Variants in ZCCHC2 observed in about 807,000 individuals in gnomAD.
ZCCHC2 encodes the protein zinc finger CCHC domain-containing protein 2.
In ZCCHC2, 39 loss-of-function variants were observed where a neutral mutation model predicts 103.6. The ratio of observed to expected loss-of-function variants is 0.38; its 90% CI spans 0.29 to 0.49. ZCCHC2 has a LOEUF of 0.49. Ranked by LOEUF, ZCCHC2 falls within the 20% of genes least tolerant of loss-of-function variation. ZCCHC2 has a pLI of 0.96. For synonymous variants in ZCCHC2, 687 were observed against 608.9 expected, an observed-to-expected ratio of 1.13 and a Z score of -1.89; for missense variants, 1,483 against 1,491.0, an observed-to-expected ratio of 0.99 and a Z score of 0.09.
rs1914188270 is a variant in ZCCHC2 at position 62,523,771 on chromosome 18, G to C, written c.347G>C (p.Cys116Ser). The C allele has an allele frequency of 2.6e-6, 4 of 1,536,466 alleles. No individual in the cohort carries two copies. The highest frequency in any genetic ancestry group is 3.5e-6 in the Non-Finnish European group (4 of 1,145,630). Residue 116 changes from cysteine to serine, a missense_variant, in exon 1 of 14, where the codon TGC becomes TCC. Transcript: ENST00000269499. Reference sequence around the variant, plus strand: ...TCGGCGCAGCGCCTGGAGTTCATGTGCGGGCTGCTGGACCTGTGCAACCCG... The same window carrying C: ...TCGGCGCAGCGCCTGGAGTTCATGTCCGGGCTGCTGGACCTGTGCAACCCG... The part of the protein sequence containing the change: ...LGSAQRLEFM[C>S]GLLDLCNPLE...
intron 12 of ZCCHC2, among the ~76,000 whole-genome samples, chr18:62,571,348 A>G (rs914105061): frequency 2.0e-5 from 3 of 152,206 alleles, no homozygotes; most frequent in Admixed American, 1.3e-4. Flanking sequence ...GGTACAAGTC[A>G]TTTACAGGGC....
intron 5 of ZCCHC2, among the ~76,000 whole-genome samples, chr18:62,553,156 ATGTGTGTGTGTGTGTGTGTGTGTGTG>A (rs142422088): frequency 1.4e-5 from 2 of 139,742 alleles, no homozygotes; most frequent in Admixed American, 7.1e-5. Flanking sequence ...CCTTAGATTT[ATGTGTGTGTGTGTGTGTGTGTGTGTG>A]TGTGTGTGTG....
chr18:62,530,961 A>G (rs768281143), intron 1 of ZCCHC2, among the ~76,000 whole-genome samples: 6 of 152,234 alleles, frequency 3.9e-5, no homozygotes, highest in Non-Finnish European at 5.9e-5. Context: ...ACTAGAATCC[A>G]TGGATAATTA....
chr18:62,541,177 G>C (rs1169920065), intron 2 of ZCCHC2, among the ~76,000 whole-genome samples: 1 of 152,174 alleles, frequency 6.6e-6, no homozygotes, highest in African/African-American at 2.4e-5. Context: ...CTATTGCACA[G>C]TTCTAAGGAG....
At chr18:62,563,356 G>A (rs749105253) in intron 9 of ZCCHC2, among the ~76,000 whole-genome samples, 2 of 152,146 alleles carry the variant, frequency 1.3e-5, no homozygotes, top group African/African-American at 2.4e-5. Flanking sequence ...TGTAAGATTA[G>A]TACACTTTAA....
At chr18:62,573,953 C>A in intron 12 of ZCCHC2, 104 bp from the exon 13 acceptor site, 1 of 1,230,102 alleles carries the variant, frequency 8.1e-7, no homozygotes, top group Non-Finnish European at 1.1e-6. Flanking sequence ...TAGAGGGACA[C>A]TTTCCAAACT....
intron 1 of ZCCHC2, among the ~76,000 whole-genome samples, chr18:62,532,092 C>G (rs1598929590): frequency 3.3e-5 from 5 of 152,208 alleles, no homozygotes; most frequent in Admixed American, 3.3e-4. Context: ...TCAGTAGGTT[C>G]CAGTGGGAGC....
chr18:62,537,077 A>G (rs115645239), intron 1 of ZCCHC2, among the ~76,000 whole-genome samples: 1,750 of 152,260 alleles, frequency 0.011, 40 homozygotes, highest in African/African-American at 0.04. Flanking sequence ...GTCATGAGTC[A>G]TCACCTCTGT....
At chr18:62,537,203 G>T (rs771371722) in intron 1 of ZCCHC2, among the ~76,000 whole-genome samples, 2 of 152,076 alleles carry the variant, frequency 1.3e-5, no homozygotes, top group South Asian at 4.1e-4. Context: ...TTTAGAGACA[G>T]GGTCTTGCCC....
chr18:62,556,120 C>A (rs2145513548), intron 5 of ZCCHC2, 83 bp from the exon 6 acceptor site: 1 of 1,082,754 alleles, frequency 9.2e-7, no homozygotes, highest in Non-Finnish European at 1.3e-6. Context: ...ACTGCCACTT[C>A]ATTCTGCTTT....
chr18:62,532,572 TC>T (rs989909512), intron 1 of ZCCHC2, among the ~76,000 whole-genome samples: 3 of 152,156 alleles, frequency 2.0e-5, no homozygotes, highest in Admixed American at 1.3e-4. Flanking sequence ...TTTTCATATA[TC>T]CCCCCTTTCA....
intron 9 of ZCCHC2, 134 bp from the exon 10 acceptor site, chr18:62,564,435 CTT>C (rs954866665): frequency 1.3e-5 from 8 of 596,782 alleles, no homozygotes; most frequent in Non-Finnish European, 1.9e-5. Flanking sequence ...AGGTGGGAAA[CTT>C]CAAAAATAGG....
At chr18:62,525,736 G>A (rs975111316) in intron 1 of ZCCHC2, among the ~76,000 whole-genome samples, 36 of 152,190 alleles carry the variant, frequency 2.4e-4, no homozygotes, top group Admixed American at 3.9e-4. Context: ...CTAGTGCCCA[G>A]CATTATCTCG....
chr18:62,573,969 T>G (rs572528166), intron 12 of ZCCHC2, 88 bp from the exon 13 acceptor site: 1 of 1,328,410 alleles, frequency 7.5e-7, no homozygotes, highest in Admixed American at 2.7e-5. Context: ...AAACTTGAGT[T>G]ACTTTGAGGT....
chr18:62,555,902 T>C (rs1915865189), intron 5 of ZCCHC2, among the ~76,000 whole-genome samples: 1 of 152,134 alleles, frequency 6.6e-6, no homozygotes, highest in African/African-American at 2.4e-5. Flanking sequence ...AGGGTGGCTA[T>C]TGGACCACTT....
rs1340204696 is a variant in ZCCHC2 at position 62,524,382 on chromosome 18, C to T, written c.939+19C>T. 6.8e-7 allele frequency: 1 copy of T among 1,460,100 alleles called. No homozygotes were observed. The highest frequency in any genetic ancestry group is 2.6e-5 in the Admixed American group (1 of 38,624). 90.4% of individuals were successfully genotyped at this position (1,460,100 alleles called of 1,614,324 possible). A position where few individuals can be genotyped will look rare whatever the true frequency, so the allele number is the denominator to read the frequency against. ...GGCCCAGGTAAGGCGCACGGAGCCTCCCTGGACTCGCGGTGCGATCGCTGC... is the reference window on the plus strand; with the variant it reads ...GGCCCAGGTAAGGCGCACGGAGCCTTCCTGGACTCGCGGTGCGATCGCTGC... On this transcript the variant is annotated intron_variant, in intron 1 of 13. Transcript: ENST00000269499.
intron 5 of ZCCHC2, among the ~76,000 whole-genome samples, chr18:62,554,860 CT>C (rs1435483413): frequency 6.6e-6 from 1 of 152,286 alleles, no homozygotes; most frequent in African/African-American, 2.4e-5. Flanking sequence ...TGAATGTTTA[CT>C]TTCACATTAG....
In ZCCHC2 at chr18:62,548,945, C is replaced by T. The variant is rs1004196444; in HGVS notation, c.1201-1403C>T. Reference sequence around the variant, plus strand: ...TAGAAAAGAAAATGGGTAGGCCAGGCGTGGTGGCTCACGCCTGTAATCCCA... The same window carrying T: ...TAGAAAAGAAAATGGGTAGGCCAGGTGTGGTGGCTCACGCCTGTAATCCCA... On this transcript the variant is annotated intron_variant, in intron 4 of 13. Coordinates refer to ENST00000269499, the MANE Select transcript of ZCCHC2 (RefSeq NM_017742.6). Among the ~76,000 whole-genome samples, 5 of 142,530 alleles carry T rather than the reference C, an allele frequency of 3.5e-5. No homozygotes were observed. The East Asian group carries it at 8.6e-4, about 24-fold the overall frequency. 93.5% of individuals were successfully genotyped at this position (142,530 alleles called of 152,430 possible).
chr18:62,525,841 C>G (rs1914363874), intron 1 of ZCCHC2: 1 of 152,008 alleles, frequency 6.6e-6, no homozygotes, highest in African/African-American at 2.4e-5. Flanking sequence ...CTTCAGCCTA[C>G]TCGTTAATTT....
Sources: allele counts gnomAD v4.1 joint callset (sites outside exome capture counted in the v4.1 genomes callset), GRCh38; gene constraint gnomAD v4.1.1; transcripts MANE v1.5; gene names NCBI Gene and HGNC (gene_info 2026-07-23, HGNC 2026-07-21).